The following HHAT variants were observed in gnomAD, a reference collection of about 807,000 sequenced individuals.
HHAT encodes the protein protein-cysteine N-palmitoyltransferase HHAT.
In HHAT, 47 loss-of-function variants were observed where a neutral mutation model predicts 70.8. The observed-to-expected ratio is 0.66, with a 90% confidence interval of 0.53 to 0.85. HHAT has a LOEUF of 0.85. Ranked by LOEUF, HHAT falls within the 40% of genes least tolerant of loss-of-function variation. HHAT has a pLI of 0.00. For synonymous variants in HHAT, 228 were observed against 247.6 expected (o/e 0.92, Z 0.74); for missense variants, 609 against 604.8 (o/e 1.01, Z -0.07).
At chr1:210,545,168 A>G (rs576751045) in intron 9 of HHAT, among the ~76,000 whole-genome samples, 44 of 152,218 alleles carry the variant, frequency 2.9e-4, no homozygotes, top group African/African-American at 1.1e-3. Flanking sequence ...TTTTAAGACA[A>G]AATTCTTAAA....
At chr1:210,630,577 C>T (rs1177351594) in intron 11 of HHAT, among the ~76,000 whole-genome samples, 1 of 152,202 alleles carries the variant, frequency 6.6e-6, no homozygotes, top group Admixed American at 6.5e-5. Flanking sequence ...TTTGCCTGCT[C>T]AGTGTTTGTT....
intron 3 of HHAT, among the ~76,000 whole-genome samples, chr1:210,384,544 A>G (rs145952855): frequency 3.2e-4 from 49 of 152,306 alleles, no homozygotes; most frequent in African/African-American, 9.6e-4. Context: ...TTTTAGCAAG[A>G]TGCATAGGTG....
At chr1:210,591,535 C>A (rs555722274) in intron 10 of HHAT, among the ~76,000 whole-genome samples, 1 of 151,960 alleles carries the variant, frequency 6.6e-6, no homozygotes, top group Non-Finnish European at 1.5e-5. Flanking sequence ...CTTAATTTAC[C>A]GATTTCCTTT....
chr1:210,424,747 T>C (rs2093011520), intron 7 of HHAT, among the ~76,000 whole-genome samples: 1 of 152,166 alleles, frequency 6.6e-6, no homozygotes, highest in Non-Finnish European at 1.5e-5. Flanking sequence ...ATCCAGGCTA[T>C]CATTGATGGG....
intron 11 of HHAT, among the ~76,000 whole-genome samples, chr1:210,630,370 A>T (rs1239196400): frequency 1.3e-5 from 2 of 152,192 alleles, no homozygotes. Context: ...ATGGTGCAGA[A>T]CACCCCTTGG....
At chr1:210,627,031 C>G (rs4245748) in intron 11 of HHAT, among the ~76,000 whole-genome samples, 152,265 of 152,282 alleles carry the variant, frequency 1, 76,124 homozygotes, top group Middle Eastern at 1. Context: ...TGACTTTAGG[C>G]ATGGAGAGCA....
At chr1:210,482,836 A>G (rs565112781) in intron 8 of HHAT, among the ~76,000 whole-genome samples, 1 of 152,346 alleles carries the variant, frequency 6.6e-6, no homozygotes, top group East Asian at 1.9e-4. Context: ...CCAGGCTTCA[A>G]TCAATTTATT....
At chr1:210,542,092 C>T (rs2095436228) in intron 9 of HHAT, among the ~76,000 whole-genome samples, 1 of 152,188 alleles carries the variant, frequency 6.6e-6, no homozygotes, top group Non-Finnish European at 1.5e-5. Context: ...TCCCCATCTC[C>T]AACCCTGCTT....
chr1:210,629,496 C>G (rs1465034793), intron 11 of HHAT, among the ~76,000 whole-genome samples: 5 of 152,228 alleles, frequency 3.3e-5, no homozygotes, highest in Admixed American at 2.6e-4. Flanking sequence ...ACATTGGTTC[C>G]CTATGGCTAC....
intron 10 of HHAT, among the ~76,000 whole-genome samples, chr1:210,592,364 G>T (rs1253053617): frequency 1.3e-5 from 2 of 151,842 alleles, no homozygotes; most frequent in Non-Finnish European, 2.9e-5. Flanking sequence ...TTTGTTCCTG[G>T]GTTCTCTATT....
chr1:210,559,413 G>A (rs1304268180), intron 9 of HHAT, among the ~76,000 whole-genome samples: 10 of 152,130 alleles, frequency 6.6e-5, no homozygotes, highest in African/African-American at 2.4e-4. Flanking sequence ...GAGGTTAGTT[G>A]GTAAAGGTTG....
intron 7 of HHAT, among the ~76,000 whole-genome samples, chr1:210,435,890 T>C (rs1049541511): frequency 1.3e-5 from 2 of 151,842 alleles, no homozygotes; most frequent in African/African-American, 4.9e-5. Context: ...AGTCTGTAAA[T>C]ATTTTCTCCC....
At chr1:210,397,330 A>C (rs1465913648) in intron 4 of HHAT, among the ~76,000 whole-genome samples, 1 of 152,238 alleles carries the variant, frequency 6.6e-6, no homozygotes, top group East Asian at 1.9e-4. Context: ...TCTTCTTTCA[A>C]GTAACAAGTA....
intron 2 of HHAT, among the ~76,000 whole-genome samples, chr1:210,362,158 T>G (rs2088396578): frequency 6.6e-6 from 1 of 152,210 alleles, no homozygotes. Context: ...TATATGACTA[T>G]TTTATTATAT....
intron 1 of HHAT, among the ~76,000 whole-genome samples, chr1:210,348,729 A>ATGTGCGTG (rs2086736991): frequency 1.4e-5 from 1 of 72,264 alleles, no homozygotes; most frequent in Admixed American, 1.6e-4. Flanking sequence ...TGTGTGGTGT[A>ATGTGCGTG]TGTGTGCGTG....
At chr1:210,566,631 AGAG>A (rs1654818413) in intron 9 of HHAT, among the ~76,000 whole-genome samples, 1 of 152,090 alleles carries the variant, frequency 6.6e-6, no homozygotes, top group African/African-American at 2.4e-5. Flanking sequence ...CTGAATGCTG[AGAG>A]GAGTTCAGCT....
In HHAT at chr1:210,544,367, G is replaced by GTTT. The variant is rs569514246; in HGVS notation, c.1043+31201_1043+31203dup. 7.6e-4 allele frequency among the ~76,000 whole-genome samples: 68 copies of GTTT among 90,040 alleles called. 1 individual carries two copies. Among genetic ancestry groups the GTTT allele is most frequent in the African/African-American group, 1.8e-3 (42 of 23,184 alleles). 59.1% of individuals were successfully genotyped at this position (90,040 alleles called of 152,430 possible). Reference sequence around the variant, plus strand: ...TTTTTTTCTTTTCTTTCTTTCTTTCGTTTTTTTTTTTTTTTTTTTTTTTTG... The same window carrying GTTT: ...TTTTTTTCTTTTCTTTCTTTCTTTCGTTTTTTTTTTTTTTTTTTTTTTTTTTTG... On this transcript the variant is annotated intron_variant, in intron 9 of 11. Transcript: ENST00000261458.
chr1:210,473,020 C>T (rs2094233246), intron 8 of HHAT, among the ~76,000 whole-genome samples: 1 of 152,146 alleles, frequency 6.6e-6, no homozygotes, highest in African/African-American at 2.4e-5. Context: ...ATATCCTCTT[C>T]AGACCTTTAA....
chr1:210,558,865 A>G (rs911702441), intron 9 of HHAT, among the ~76,000 whole-genome samples: 2 of 152,166 alleles, frequency 1.3e-5, no homozygotes. Flanking sequence ...GAGAAATTAA[A>G]AAGGAAGGTG....
Sources: allele counts gnomAD v4.1 joint callset (sites outside exome capture counted in the v4.1 genomes callset), GRCh38; gene constraint gnomAD v4.1.1; transcripts MANE v1.5; gene names NCBI Gene and HGNC (gene_info 2026-07-23, HGNC 2026-07-21).